Variants in PCDHGA1 observed in about 807,000 individuals in gnomAD.
The protein encoded by PCDHGA1 is protocadherin gamma subfamily A, 1.
In PCDHGA1, 32 loss-of-function variants were observed where a neutral mutation model predicts 58.0. That is an observed-to-expected ratio of 0.55 (90% confidence interval 0.42 to 0.74). PCDHGA1 has a LOEUF of 0.74. Among genes scored for constraint, PCDHGA1 ranks in the 30% least tolerant of loss-of-function variants. PCDHGA1 has a pLI of 0.00. For missense variants in PCDHGA1, 1,205 were observed against 1,182.3 expected (o/e 1.02, Z -0.28); for synonymous variants, 498 against 501.1 (o/e 0.99, Z 0.08).
chr5:141,509,684 C>G (rs572295300), intron 3 of PCDHGA1, among the ~76,000 whole-genome samples: 139 of 152,310 alleles, frequency 9.1e-4, no homozygotes, highest in Admixed American at 3.7e-3. Flanking sequence ...TTCTTCTGTA[C>G]AGTGGGACGT....
intron 1 of PCDHGA1, chr5:141,346,629 C>A: frequency 1.0e-6 from 1 of 997,112 alleles, no homozygotes; most frequent in Non-Finnish European, 1.5e-6. Flanking sequence ...ACTCCCCGGT[C>A]TGGTTATGGT....
intron 1 of PCDHGA1, chr5:141,341,128 G>A: frequency 6.2e-7 from 1 of 1,614,202 alleles, no homozygotes. Context: ...TGCGGCGCTG[G>A]CACAAGTCAC....
intron 1 of PCDHGA1, chr5:141,423,302 T>G (rs1221185261): frequency 6.2e-7 from 1 of 1,614,144 alleles, no homozygotes. Context: ...GACCTCTCGC[T>G]GTACTTGGTG....
At chr5:141,372,218 T>A (rs1370078185) in intron 1 of PCDHGA1, 10 of 1,613,426 alleles carry the variant, frequency 6.2e-6, no homozygotes, top group East Asian at 4.5e-5. Context: ...CCTACCACAT[T>A]GTGCAGGCCA....
At chr5:141,341,066 G>A in intron 1 of PCDHGA1, 1 of 1,614,200 alleles carries the variant, frequency 6.2e-7, no homozygotes, top group Non-Finnish European at 8.5e-7. Context: ...GGCGGTGGCC[G>A]CGGTCTCCTG....
At chr5:141,355,744 G>T in intron 1 of PCDHGA1, 2 of 1,613,960 alleles carry the variant, frequency 1.2e-6, no homozygotes, top group South Asian at 1.1e-5. Context: ...TTCCCTGGAC[G>T]TGCAAAGTGG....
At position 141,330,858 on chromosome 5, in the gene PCDHGA1, G is replaced by A. The variant is rs1350351001; in HGVS notation, c.174G>A (p.Glu58=). 7 of 1,614,086 alleles carry A rather than the reference G, an allele frequency of 4.3e-6. No homozygotes were observed. The highest frequency in any genetic ancestry group is 4.5e-5 in the East Asian group (2 of 44,894). ...AGGACCTAGGGCTGCAACCCCAGGA[G>A]CTGGCAGATGGCGGAGTCCGCATCG... ...IAKDLGLQPQ[E]LADGGVRIVS... The change falls in exon 1 of 4, where the codon GAG becomes GAA. Residue 58 remains glutamate (E), a synonymous_variant. Coordinates refer to ENST00000517417, the MANE Select transcript of PCDHGA1 (RefSeq NM_018912.3).
At chr5:141,393,528 G>A in intron 1 of PCDHGA1, 7 of 1,613,988 alleles carry the variant, frequency 4.3e-6, no homozygotes, top group East Asian at 4.5e-5. Context: ...AAATGACAAT[G>A]CCCCGGTTTT....
At chr5:141,333,360 C>A in intron 1 of PCDHGA1, 1 of 601,152 alleles carries the variant, frequency 1.7e-6, no homozygotes. Flanking sequence ...GATGCCATCT[C>A]TGTTTGGAAA....
At position 141,511,148 on chromosome 5, in the gene PCDHGA1, A is replaced by C; in HGVS notation, c.2771A>C (p.Lys924Thr). Residue 924 changes from lysine to threonine, a missense_variant, in exon 4 of 4, where the codon AAG (lysine) becomes ACG (threonine). Coordinates refer to ENST00000517417, the MANE Select transcript of PCDHGA1 (RefSeq NM_018912.3). ...APAGGNGNKKKSGKKEKK is the reference protein window; with the variant it reads ...APAGGNGNKKTSGKKEKK ...GCAGGTGGCAATGGCAACAAGAAGA[A>C]GTCGGGCAAGAAGGAGAAGAAGTAA... is the stretch of plus-strand genomic sequence containing the variant. The C allele has an allele frequency of 6.2e-7, 1 of 1,614,202 alleles. No individual in the cohort carries two copies. Among genetic ancestry groups the C allele is most frequent in the East Asian group, 2.2e-5 (1 of 44,882 alleles).
intron 1 of PCDHGA1, among the ~76,000 whole-genome samples, chr5:141,445,447 A>C (rs974383838): frequency 6.6e-6 from 1 of 152,222 alleles, no homozygotes; most frequent in Non-Finnish European, 1.5e-5. Flanking sequence ...TGGACTAAGG[A>C]TGCAGCAATG....
At chr5:141,343,848 A>C (rs929007966) in intron 1 of PCDHGA1, 4 of 525,844 alleles carry the variant, frequency 7.6e-6, no homozygotes, top group Non-Finnish European at 9.9e-6. Flanking sequence ...TTGCTCCTAA[A>C]ATGCAAAGAA....
intron 1 of PCDHGA1, chr5:141,355,039 C>A: frequency 9.6e-7 from 1 of 1,045,502 alleles, no homozygotes; most frequent in Non-Finnish European, 1.3e-6. Context: ...AAGATTTCTG[C>A]AGCACAAAGC....
intron 1 of PCDHGA1, chr5:141,414,451 G>C (rs1390702349): frequency 1.9e-6 from 3 of 1,613,874 alleles, no homozygotes; most frequent in Non-Finnish European, 2.5e-6. Context: ...CAATATCACA[G>C]TGACAGCCAC....
At chr5:141,397,923 C>T in intron 1 of PCDHGA1, 1 of 738,672 alleles carries the variant, frequency 1.4e-6, no homozygotes, top group East Asian at 2.8e-5. Flanking sequence ...GATCTCCTCG[C>T]GCAGCCGCAG....
At chr5:141,355,427 C>A (rs778595998) in intron 1 of PCDHGA1, 1 of 1,614,082 alleles carries the variant, frequency 6.2e-7, no homozygotes, top group Admixed American at 1.7e-5. Flanking sequence ...CAGCTTTTCG[C>A]CCTGAACCCG....
rs1244580814 is a variant in PCDHGA1 at position 141,339,759 on chromosome 5, C to T, written c.2421+6654C>T. ...ACGCTCGTGGGCACCCGGATACTCA[C>T]GGTGACCGCCACTGACGCAGATGAG... On this transcript the variant is annotated intron_variant, in intron 1 of 3. Transcript: ENST00000517417. 3.1e-6 allele frequency: 5 copies of T among 1,614,002 alleles called. No homozygotes were observed. In the African/African-American group the frequency reaches 6.7e-5, roughly 22 times the overall value.
At chr5:141,344,285 G>A in intron 1 of PCDHGA1, 1 of 1,614,096 alleles carries the variant, frequency 6.2e-7, no homozygotes, top group Non-Finnish European at 8.5e-7. Context: ...GCGGCAGCTT[G>A]GTCACCGCGG....
chr5:141,492,071 C>T (rs992716777), intron 1 of PCDHGA1: 7 of 481,874 alleles, frequency 1.5e-5, no homozygotes, highest in African/African-American at 1.4e-4. Context: ...CTCCTAGGCG[C>T]CGGCTCCGGC....
Sources: gnomAD v4.1 joint callset for allele counts (sites outside exome capture counted in the v4.1 genomes callset) on GRCh38, gnomAD v4.1.1 for gene constraint, MANE v1.5 for transcripts, NCBI Gene and HGNC (gene_info 2026-07-23, HGNC 2026-07-21) for gene names.